TRPC4: variants seen among roughly 807,000 people sequenced by gnomAD.
TRPC4 encodes the protein transient receptor potential cation channel subfamily C member 4, also known as short transient receptor potential channel 4.
Under a neutral mutation model 99.4 loss-of-function variants are expected in TRPC4, and 49 were observed. The ratio of observed to expected loss-of-function variants is 0.49; its 90% confidence interval spans 0.39 to 0.63. TRPC4 has a LOEUF of 0.63. Ranked by LOEUF, TRPC4 falls within the 20% of genes least tolerant of loss-of-function variation. The probability of loss-of-function intolerance (pLI) is 0.00; values close to 1 mark genes in which losing one functional copy is unlikely to be tolerated. For missense variants in TRPC4, 898 were observed against 1,152.9 expected, an observed-to-expected ratio of 0.78 and a Z score of 3.20; for synonymous variants, 454 against 425.9, an observed-to-expected ratio of 1.07 and a Z score of -0.81.
chr13:37,699,204 T>C (rs1246151489), intron 3 of TRPC4, among the ~76,000 whole-genome samples: 3 of 152,086 alleles, frequency 2.0e-5, no homozygotes, highest in Admixed American at 1.3e-4. Context: ...AATTAATATG[T>C]GAAAAGTATG....
Position 37,792,043 on chromosome 13 carries a change from G to A in TRPC4, c.-27-8683C>T, listed in dbSNP as rs77543556. Among the ~76,000 whole-genome samples, 966 of 152,214 alleles carry A rather than the reference G, an allele frequency of 6.3e-3. 9 individuals are homozygous for A. Among genetic ancestry groups the A allele is most frequent in the African/African-American group, 0.022 (925 of 41,542 alleles). On this transcript the variant is annotated intron_variant, in intron 1 of 10. Coordinates refer to ENST00000379705, the MANE Select transcript of TRPC4 (RefSeq NM_016179.4). ...AAGTTACAGAAGGGCTTTGTGTGAGGTAATAACATAATCTGATTTCTGATT... is the reference window on the plus strand; with the variant it reads ...AAGTTACAGAAGGGCTTTGTGTGAGATAATAACATAATCTGATTTCTGATT...
Position 37,783,271 on chromosome 13 carries a change from C to T in TRPC4, c.63G>A (p.Arg21=), listed in dbSNP as rs1956889576. 3.1e-6 allele frequency: 5 copies of T among 1,613,256 alleles called. No individual in the cohort carries two copies. Among genetic ancestry groups the T allele is most frequent in the Non-Finnish European group, 4.2e-6 (5 of 1,179,628 alleles). Residue 21 remains arginine (R), a synonymous_variant, in exon 2 of 11, where the codon AGG becomes AGA. Transcript: ENST00000379705. ...AGAGTTCTGATTCTGCTCTTACTATCCTTAGAGGGATGCGGTCTCTATAGG... is the reference window on the plus strand; with the variant it reads ...AGAGTTCTGATTCTGCTCTTACTATTCTTAGAGGGATGCGGTCTCTATAGG... ...NAPYRDRIPL[R]IVRAESELSP... is the part of the protein sequence containing the mutation.
intron 3 of TRPC4, among the ~76,000 whole-genome samples, chr13:37,722,881 T>C (rs17056517): frequency 0.019 from 2,929 of 150,412 alleles, 72 homozygotes; most frequent in African/African-American, 0.068. Flanking sequence ...ACTGAGGGAG[T>C]AAAAATCCAA....
At chr13:37,861,531 T>C (rs1411033964) in intron 1 of TRPC4, among the ~76,000 whole-genome samples, 1 of 151,646 alleles carries the variant, frequency 6.6e-6, no homozygotes, top group East Asian at 1.9e-4. Context: ...CAGGTTAAAA[T>C]TGTTGACATT....
At chr13:37,664,051 CT>C (rs777973733) in intron 5 of TRPC4, among the ~76,000 whole-genome samples, 27 of 152,192 alleles carry the variant, frequency 1.8e-4, no homozygotes, top group Non-Finnish European at 3.4e-4. Flanking sequence ...GAATTGCTAA[CT>C]TTTTACATTT....
chr13:37,714,233 T>C (rs1954586755), intron 3 of TRPC4, among the ~76,000 whole-genome samples: 1 of 152,032 alleles, frequency 6.6e-6, no homozygotes, highest in Admixed American at 6.6e-5. Flanking sequence ...TTCAAACGAT[T>C]CTCCTGCCTC....
intron 2 of TRPC4, among the ~76,000 whole-genome samples, chr13:37,748,406 T>A (rs1006898576): frequency 2.0e-5 from 3 of 152,154 alleles, no homozygotes; most frequent in Non-Finnish European, 4.4e-5. Context: ...ATAAAATATA[T>A]CTTTATAGAA....
intron 8 of TRPC4, among the ~76,000 whole-genome samples, chr13:37,640,346 A>C (rs1951680931): frequency 1.3e-5 from 2 of 152,096 alleles, no homozygotes; most frequent in African/African-American, 4.8e-5. Context: ...GTGAAATGAT[A>C]ATTTAAATAT....
intron 1 of TRPC4, among the ~76,000 whole-genome samples, chr13:37,862,855 CAG>C (rs1346024574): frequency 2.0e-5 from 3 of 151,192 alleles, no homozygotes; most frequent in Non-Finnish European, 4.5e-5. Context: ...TATGTGTAGA[CAG>C]AGAAATACAC....
intron 1 of TRPC4, among the ~76,000 whole-genome samples, chr13:37,845,495 A>G (rs1452911634): frequency 6.6e-6 from 1 of 152,098 alleles, no homozygotes; most frequent in Admixed American, 6.5e-5. Flanking sequence ...TTCTGGAGCT[A>G]AAGAATACAA....
intron 1 of TRPC4, among the ~76,000 whole-genome samples, chr13:37,826,878 G>A (rs1282528090): frequency 6.6e-5 from 10 of 152,066 alleles, no homozygotes; most frequent in Admixed American, 3.3e-4. Flanking sequence ...TTTCCAACTT[G>A]GTTCCATTCT....
intron 3 of TRPC4, among the ~76,000 whole-genome samples, chr13:37,741,575 C>T (rs990968604): frequency 3.9e-5 from 6 of 152,132 alleles, no homozygotes; most frequent in Non-Finnish European, 7.4e-5. Flanking sequence ...TATTGTTTGA[C>T]ACAGAAACGT....
chr13:37,697,986 A>G (rs1366404419), intron 3 of TRPC4, among the ~76,000 whole-genome samples: 1 of 151,612 alleles, frequency 6.6e-6, no homozygotes, highest in Non-Finnish European at 1.5e-5. Flanking sequence ...AGCGTGCATG[A>G]GTTCTTGAGT....
intron 5 of TRPC4, among the ~76,000 whole-genome samples, chr13:37,670,457 T>C (rs942656643): frequency 6.6e-6 from 1 of 152,184 alleles, no homozygotes; most frequent in African/African-American, 2.4e-5. Flanking sequence ...TATACAATCC[T>C]AGCAGAGGTC....
intron 1 of TRPC4, among the ~76,000 whole-genome samples, chr13:37,856,390 TAAAA>T (rs34818320): frequency 2.7e-5 from 3 of 110,050 alleles, no homozygotes; most frequent in African/African-American, 3.4e-5. Flanking sequence ...AGTCTCCTAG[TAAAA>T]AAAAAAAAAA....
rs541933410 is a variant in TRPC4 at position 37,632,159 on chromosome 13, A to C, written c.*4744T>G. Among the ~76,000 whole-genome samples the C allele has an allele frequency of 1.3e-5, 2 of 152,368 alleles. No individual in the cohort carries two copies. The highest frequency in any genetic ancestry group is 4.8e-5 in the African/African-American group (2 of 41,600). On this transcript the variant is annotated 3_prime_UTR_variant, in exon 11 of 11. Transcript: ENST00000379705. ...CCTTTGCAATTCAGATGATGGAGAT[A>C]CATGAGCTGACTGAAACAAATACAA... is the stretch of plus-strand genomic sequence containing the variant.
At chr13:37,862,025 G>A (rs1049970027) in intron 1 of TRPC4, among the ~76,000 whole-genome samples, 26 of 151,410 alleles carry the variant, frequency 1.7e-4, no homozygotes, top group African/African-American at 6.3e-4. Context: ...TAAAGGCCAT[G>A]AGAAAGGTAG....
At chr13:37,685,028 C>G (rs1365123036) in intron 4 of TRPC4, among the ~76,000 whole-genome samples, 2 of 151,948 alleles carry the variant, frequency 1.3e-5, no homozygotes, top group East Asian at 3.9e-4. Flanking sequence ...AGAAAAAAGG[C>G]AGTGATGATA....
intron 1 of TRPC4, among the ~76,000 whole-genome samples, chr13:37,803,854 T>C (rs530920294): frequency 1.3e-5 from 2 of 152,118 alleles, no homozygotes; most frequent in East Asian, 3.9e-4. Flanking sequence ...GGAACTTGGC[T>C]TGATCCATTC....
Sources: gnomAD v4.1 joint callset for allele counts (sites outside exome capture counted in the v4.1 genomes callset) on GRCh38, gnomAD v4.1.1 for gene constraint, MANE v1.5 for transcripts, NCBI Gene and HGNC (gene_info 2026-07-23, HGNC 2026-07-21) for gene names.